The following DPY19L3 variants were observed in gnomAD, a reference collection of about 807,000 sequenced individuals.
DPY19L3 encodes dpy-19 like C-mannosyltransferase 3, also known as protein C-mannosyl-transferase DPY19L3.
Under a neutral mutation model 92.3 loss-of-function variants are expected in DPY19L3, and 51 were observed. The ratio of observed to expected loss-of-function variants is 0.55; its 90% CI spans 0.44 to 0.70. The LOEUF is 0.70. Among genes scored for constraint, DPY19L3 ranks in the 30% least tolerant of loss-of-function variants. DPY19L3 has a pLI of 0.00. For missense variants in DPY19L3, 706 were observed against 855.9 expected, an observed-to-expected ratio of 0.82 and a Z score of 2.18; for synonymous variants, 309 against 315.2, an observed-to-expected ratio of 0.98 and a Z score of 0.21.
intron 16 of DPY19L3, among the ~76,000 whole-genome samples, chr19:32,474,403 G>A (rs189740432): frequency 4.7e-4 from 71 of 152,324 alleles, no homozygotes; most frequent in Middle Eastern, 3.4e-3. Flanking sequence ...ACCTGCTAGG[G>A]GCCGGGGATG....
chr19:32,445,125 T>C (rs1202568259), intron 8 of DPY19L3, among the ~76,000 whole-genome samples: 1 of 143,866 alleles, frequency 7.0e-6, no homozygotes, highest in Non-Finnish European at 1.5e-5. Flanking sequence ...GGAAGTGGCC[T>C]AGTATTTTCA....
intron 3 of DPY19L3, among the ~76,000 whole-genome samples, chr19:32,416,742 A>G (rs371527715): frequency 2.8e-4 from 42 of 152,300 alleles, no homozygotes; most frequent in African/African-American, 9.9e-4. Context: ...TCACTGTGTT[A>G]CACTATGTGG....
intron 3 of DPY19L3, among the ~76,000 whole-genome samples, chr19:32,431,781 C>T (rs60887101): frequency 0.039 from 5,909 of 152,250 alleles, 362 homozygotes; most frequent in African/African-American, 0.14. Context: ...TCCCAGTGGA[C>T]AGTCTATGGT....
chr19:32,424,202 C>T (rs1968677904), intron 3 of DPY19L3, among the ~76,000 whole-genome samples: 1 of 151,430 alleles, frequency 6.6e-6, no homozygotes, highest in South Asian at 2.1e-4. Context: ...CACCTGCAGC[C>T]CCAGTTACTT....
In DPY19L3 at chr19:32,477,591, G is replaced by A. The variant is rs571491381; in HGVS notation, c.1767G>A (p.Thr589=). ...TGCTGGCCGGAGTCAAGCTGTGCAC[G>A]GGAAGGACCCTAACCAACCACCCGC... is the stretch of plus-strand genomic sequence containing the variant. ...MQLLAGVKLC[T]GRTLTNHPHY... The change falls in exon 17 of 19, where the codon ACG becomes ACA. Residue 589 remains threonine (T), a synonymous_variant. Coordinates refer to ENST00000392250, the MANE Select transcript of DPY19L3 (RefSeq NM_001172774.2). The A allele has an allele frequency of 4.0e-5, 64 of 1,614,114 alleles. No homozygotes were observed. In the East Asian group the frequency reaches 5.3e-4, roughly 13 times the overall value.
Position 32,439,818 on chromosome 19 carries a change from A to T in DPY19L3, c.763A>T (p.Ser255Cys). The T allele has an allele frequency of 6.2e-7, 1 of 1,613,900 alleles. No individual in the cohort carries two copies. Among genetic ancestry groups the T allele is most frequent in the Non-Finnish European group, 8.5e-7 (1 of 1,179,844 alleles). The part of the protein sequence containing the change: ...LAIFISTFLF[S>C]LTWQFNQFMM... ...CATTTTCATATCAACTTTTCTCTTTAGTCTGACATGGCAATTTAATCAATT... is the reference window on the plus strand; with the variant it reads ...CATTTTCATATCAACTTTTCTCTTTTGTCTGACATGGCAATTTAATCAATT... Residue 255 changes from serine to cysteine, a missense_variant, in exon 8 of 19, where the codon AGT (serine) becomes TGT (cysteine). Coordinates refer to ENST00000392250, the MANE Select transcript of DPY19L3 (RefSeq NM_001172774.2).
chr19:32,456,512 C>T (rs573837505), intron 10 of DPY19L3, among the ~76,000 whole-genome samples: 150 of 151,908 alleles, frequency 9.9e-4, no homozygotes, highest in African/African-American at 3.3e-3. Context: ...TCTTGGCTCA[C>T]GGCAGTCTTG....
chr19:32,468,555 C>T, intron 15 of DPY19L3, 176 bp from the exon 16 acceptor site: 3 of 1,262,768 alleles, frequency 2.4e-6, no homozygotes, highest in South Asian at 2.9e-5. Flanking sequence ...TTCCCAGGCG[C>T]TAGTTCCCTT....
At chr19:32,434,871 G>A (rs970161351) in intron 4 of DPY19L3, among the ~76,000 whole-genome samples, 4 of 152,016 alleles carry the variant, frequency 2.6e-5, no homozygotes, top group Non-Finnish European at 4.4e-5. Flanking sequence ...GTTCTCTGGT[G>A]TCTCTTCTTG....
chr19:32,407,477 C>A (rs765997727), intron 1 of DPY19L3, among the ~76,000 whole-genome samples: 4 of 152,140 alleles, frequency 2.6e-5, no homozygotes, highest in African/African-American at 9.7e-5. Flanking sequence ...GGAGTATCTC[C>A]CACGTGGCCA....
intron 3 of DPY19L3, among the ~76,000 whole-genome samples, chr19:32,426,009 C>T (rs1334413356): frequency 6.6e-6 from 1 of 152,228 alleles, no homozygotes; most frequent in Non-Finnish European, 1.5e-5. Flanking sequence ...GCTGTTTCAT[C>T]TACATTGAGT....
intron 12 of DPY19L3, among the ~76,000 whole-genome samples, chr19:32,460,109 G>A (rs1215097603): frequency 6.6e-6 from 1 of 152,000 alleles, no homozygotes; most frequent in Non-Finnish European, 1.5e-5. Flanking sequence ...ACATAGAATA[G>A]GTACAGTAAA....
At chr19:32,474,651 C>T (rs962265394) in intron 16 of DPY19L3, among the ~76,000 whole-genome samples, 1 of 152,114 alleles carries the variant, frequency 6.6e-6, no homozygotes, top group Non-Finnish European at 1.5e-5. Context: ...AGTGCAGTGG[C>T]ACGATCTTGG....
intron 18 of DPY19L3, chr19:32,481,016 T>C (rs1599685535): frequency 2.7e-6 from 1 of 371,930 alleles, no homozygotes; most frequent in East Asian, 3.9e-5. Flanking sequence ...CTGAGTGTCC[T>C]GTGTCCACTG....
intron 16 of DPY19L3, among the ~76,000 whole-genome samples, chr19:32,471,476 G>A (rs1051751213): frequency 6.6e-6 from 1 of 152,212 alleles, no homozygotes; most frequent in Non-Finnish European, 1.5e-5. Flanking sequence ...ATAGTGGCCT[G>A]TGGAAACCCT....
At chr19:32,448,915 A>G (rs1343299151) in intron 8 of DPY19L3, among the ~76,000 whole-genome samples, 1 of 152,212 alleles carries the variant, frequency 6.6e-6, no homozygotes, top group Non-Finnish European at 1.5e-5. Flanking sequence ...GTTCATCAGC[A>G]ATTTTTCTTT....
At chr19:32,465,770 C>G (rs1410425501) in intron 15 of DPY19L3, among the ~76,000 whole-genome samples, 1 of 152,096 alleles carries the variant, frequency 6.6e-6, no homozygotes, top group East Asian at 1.9e-4. Context: ...ATGAGCCTGT[C>G]TATCAAAACA....
intron 16 of DPY19L3, among the ~76,000 whole-genome samples, chr19:32,469,484 A>G (rs1433815493): frequency 6.6e-6 from 1 of 151,382 alleles, no homozygotes; most frequent in African/African-American, 2.4e-5. Context: ...CGACAGAGCA[A>G]GACTCTCTCT....
At chr19:32,406,567 G>T (rs1284792056) in intron 1 of DPY19L3, among the ~76,000 whole-genome samples, 1 of 151,978 alleles carries the variant, frequency 6.6e-6, no homozygotes, top group Non-Finnish European at 1.5e-5. Context: ...CCCCAGGCTG[G>T]TCTCAAACTC....
Sources: allele counts gnomAD v4.1 joint callset (sites outside exome capture counted in the v4.1 genomes callset), GRCh38; gene constraint gnomAD v4.1.1; transcripts MANE v1.5; gene names NCBI Gene and HGNC (gene_info 2026-07-23, HGNC 2026-07-21).